LYSMD1: variants seen among roughly 807,000 people sequenced by gnomAD.
LYSMD1 encodes the protein lysM and putative peptidoglycan-binding domain-containing protein 1.
LYSMD1 carries 9 observed loss-of-function variants against 19.3 expected under a neutral mutation model. That is an observed-to-expected ratio of 0.47 (90% CI 0.28 to 0.81). LYSMD1 has a LOEUF of 0.81. Ranked by LOEUF, LYSMD1 falls within the 40% of genes least tolerant of loss-of-function variation. LYSMD1 has a pLI of 0.11. For missense variants in LYSMD1, 262 were observed against 279.8 expected, an observed-to-expected ratio of 0.94 and a Z score of 0.45; for synonymous variants, 111 against 111.7, an observed-to-expected ratio of 0.99 and a Z score of 0.04.
chr1:151,151,015 G>A, the LYSMD1 span, among the ~76,000 whole-genome samples: 3 of 151,952 alleles, frequency 2.0e-5, no homozygotes, highest in Non-Finnish European at 4.4e-5. Context: ...TGGGATTACA[G>A]GTGTGAGCCA....
chr1:151,161,883 G>A lies in LYSMD1; in HGVS notation c.398C>T (p.Ala133Val), dbSNP rs1683471089. The change falls in exon 2 of 3, where the codon GCC (alanine) becomes GTC (valine). Residue 133 changes from alanine to valine, a missense_variant. Physicochemically the swap from Ala to Val is moderately conservative, Grantham distance 64. Transcript: ENST00000368908. ...RKKQETGAGR[A>V]NGEVLPTPGQ... ...AGGTGTGGGGAGGACTTCACCATTG[G>A]CACGTCCTGCTCCTGTCTCTTGTTT... The A allele has an allele frequency of 1.2e-6, 2 of 1,614,094 alleles. No individual in the cohort carries two copies. Among genetic ancestry groups the A allele is most frequent in the South Asian group, 1.1e-5 (1 of 91,066 alleles).
At chr1:151,164,024 G>C (rs1683557516) in intron 1 of LYSMD1, among the ~76,000 whole-genome samples, 1 of 151,948 alleles carries the variant, frequency 6.6e-6, no homozygotes, top group Non-Finnish European at 1.5e-5. Context: ...CTCCTGAGTA[G>C]CTGGGATTAC....
chr1:151,155,007 A>G (rs1683188136), downstream of LYSMD1, among the ~76,000 whole-genome samples: 1 of 152,100 alleles, frequency 6.6e-6, no homozygotes, highest in Admixed American at 6.6e-5. Flanking sequence ...TGATCCACCC[A>G]CCTTGGCTTC....
At chr1:151,152,709 TAAATA>T in the LYSMD1 span, among the ~76,000 whole-genome samples, 1 of 151,958 alleles carries the variant, frequency 6.6e-6, no homozygotes, top group Non-Finnish European at 1.5e-5. Context: ...CATAAATAAA[TAAATA>T]AATACCCCAA....
At chr1:151,159,405 C>A, downstream of LYSMD1, 1 of 761,988 alleles carries the variant, frequency 1.3e-6, no homozygotes, top group Non-Finnish European at 2.1e-6. Flanking sequence ...GAGACCAGCC[C>A]ACCCCCAAAC....
the LYSMD1 span, among the ~76,000 whole-genome samples, chr1:151,154,188 C>T: frequency 6.6e-6 from 1 of 151,850 alleles, no homozygotes; most frequent in African/African-American, 2.4e-5. Context: ...TTAATAAAAT[C>T]ACAAATTACA....
At chr1:151,159,350 T>G, downstream of LYSMD1, 1 of 1,244,456 alleles carries the variant, frequency 8.0e-7, no homozygotes, top group South Asian at 1.5e-5. Context: ...ACTAACACTT[T>G]TCAATCTTCA....
Position 151,161,094 on chromosome 1 carries a change from A to T in LYSMD1, c.546-74T>A, listed in dbSNP as rs1294194261. 6.6e-6 allele frequency: 10 copies of T among 1,526,278 alleles called. No individual in the cohort carries two copies. The East Asian group carries it at 1.1e-4, about 17-fold the overall frequency. The allele number at this position is 1,526,278 out of a possible 1,614,324, so 94.5% of individuals were successfully genotyped here. A position where few individuals can be genotyped will look rare whatever the true frequency, so the allele number is the denominator to read the frequency against. On this transcript the variant is annotated intron_variant, in intron 2 of 2. Transcript: ENST00000368908. ...TGACAATGGGCCAAGTGAGAGGTAC[A>T]TGGAAAGCTATCTTCTAATACATAA... is the stretch of plus-strand genomic sequence containing the variant.
At chr1:151,157,283 A>G (rs1683256853), downstream of LYSMD1, among the ~76,000 whole-genome samples, 1 of 152,136 alleles carries the variant, frequency 6.6e-6, no homozygotes. Flanking sequence ...TCAGCTGGGG[A>G]AAAAAACCCC....
At position 151,165,561 on chromosome 1, in the gene LYSMD1, T is replaced by C. The variant is rs1488339659; in HGVS notation, c.-303A>G. The C allele has an allele frequency of 5.5e-6, 8 of 1,466,222 alleles. No individual in the cohort carries two copies. The Admixed American group carries it at 7.5e-5, about 14-fold the overall frequency. The allele number at this position is 1,466,222 out of a possible 1,614,324, so 90.8% of individuals were successfully genotyped here. A position where few individuals can be genotyped will look rare whatever the true frequency, so the allele number is the denominator to read the frequency against. ...ACATTGACCTCTGACCTTTGAACTC[T>C]AGAAATAATCCTCAACACTCTTTCC... On this transcript the variant is annotated 5_prime_UTR_variant, in exon 1 of 3. Transcript: ENST00000368908.
chr1:151,154,162 C>T, the LYSMD1 span, among the ~76,000 whole-genome samples: 1 of 152,008 alleles, frequency 6.6e-6, no homozygotes, highest in African/African-American at 2.4e-5. Context: ...ATAATCTGAG[C>T]TTAGTGGGTA....
chr1:151,153,450 C>T, the LYSMD1 span, among the ~76,000 whole-genome samples: 6 of 151,842 alleles, frequency 4.0e-5, no homozygotes, highest in Non-Finnish European at 8.8e-5. Flanking sequence ...GTCAGGAGTT[C>T]GAGACCAGCC....
chr1:151,158,781 T>A, downstream of LYSMD1: 2 of 1,614,050 alleles, frequency 1.2e-6, no homozygotes, highest in Non-Finnish European at 1.7e-6. Context: ...CTGTGGCTCA[T>A]CTCTTCATAG....
In LYSMD1 at chr1:151,165,150, C is replaced by T. The variant is rs1683627577; in HGVS notation, c.109G>A (p.Glu37Lys). Residue 37 changes from glutamate (E) to lysine (K), a missense_variant, in exon 1 of 3, where the codon GAA becomes AAA. Physicochemically the swap from Glu to Lys is moderately conservative, Grantham distance 56. Coordinates refer to ENST00000368908, the MANE Select transcript of LYSMD1 (RefSeq NM_212551.5). ...LVQSACSPVRERRLEHQLEPG... is the reference protein window; with the variant it reads ...LVQSACSPVRKRRLEHQLEPG... Reference sequence around the variant, plus strand: ...TCCAACTGATGCTCCAGGCGTCTTTCCCTCACTGGGGAGCAGGCCGATTGC... The same window carrying T: ...TCCAACTGATGCTCCAGGCGTCTTTTCCTCACTGGGGAGCAGGCCGATTGC... The T allele has an allele frequency of 2.5e-6, 4 of 1,614,222 alleles. No homozygotes were observed. Among genetic ancestry groups the T allele is most frequent in the South Asian group, 1.1e-5 (1 of 91,084 alleles).
Position 151,160,938 on chromosome 1 carries a change from G to A in LYSMD1, c.628C>T (p.Arg210Cys), listed in dbSNP as rs763335106. 21 of 1,614,152 alleles carry A rather than the reference G, an allele frequency of 1.3e-5. No individual in the cohort carries two copies. The highest frequency in any genetic ancestry group is 2.2e-5 in the South Asian group (2 of 91,086). ...CGTAGTGTCCGGGTCCGAGAGGTAC[G>A]GGTCAGCGGCACAGGACCTAGGACT... ...RAVLGPVPLT[R>C]TSRTRTLRDQ... Residue 210 changes from arginine to cysteine, a missense_variant, in exon 3 of 3, where the codon CGT becomes TGT. Arg to Cys is a radical substitution (Grantham distance 180). Transcript: ENST00000368908.
At chr1:151,164,960 G>C in intron 1 of LYSMD1, 119 bp downstream of exon 1, 1 of 827,160 alleles carries the variant, frequency 1.2e-6, no homozygotes, top group East Asian at 2.7e-5. Flanking sequence ...GATAAAGGCA[G>C]AACAGAGTGC....
chr1:151,156,948 C>T (rs1367150169), downstream of LYSMD1, among the ~76,000 whole-genome samples: 2 of 152,062 alleles, frequency 1.3e-5, no homozygotes, highest in Non-Finnish European at 2.9e-5. Flanking sequence ...GATCCACATC[C>T]ATATGGATGT....
downstream of LYSMD1, among the ~76,000 whole-genome samples, chr1:151,156,359 ATTTG>A (rs1183444125): frequency 6.6e-6 from 1 of 152,172 alleles, no homozygotes; most frequent in Admixed American, 6.5e-5. Context: ...TACCCCAGAA[ATTTG>A]GGCTTTACAT....
chr1:151,165,649 G>A lies in LYSMD1; in HGVS notation c.-391C>T, dbSNP rs769897662. The A allele has an allele frequency of 5.8e-6, 9 of 1,547,994 alleles. No homozygotes were observed. Among genetic ancestry groups the A allele is most frequent in the Non-Finnish European group, 7.9e-6 (9 of 1,146,276 alleles). On this transcript the variant is annotated 5_prime_UTR_variant, in exon 1 of 3. Transcript: ENST00000368908. Reference sequence around the variant, plus strand: ...CAACATCCCAGCTCTCCCCGGTCCCGGGGTTTGTTTGCTAGAGTCAGGAAC... The same window carrying A: ...CAACATCCCAGCTCTCCCCGGTCCCAGGGTTTGTTTGCTAGAGTCAGGAAC...
Sources: gnomAD v4.1 joint callset for allele counts (sites outside exome capture counted in the v4.1 genomes callset) on GRCh38, gnomAD v4.1.1 for gene constraint, MANE v1.5 for transcripts, NCBI Gene and HGNC (gene_info 2026-07-23, HGNC 2026-07-21) for gene names.